The following SGCD variants were observed in gnomAD, a reference collection of about 807,000 sequenced individuals.
SGCD encodes the protein delta-sarcoglycan.
Under a neutral mutation model 36.6 loss-of-function variants are expected in SGCD, and 18 were observed. The ratio of observed to expected loss-of-function variants is 0.49; its 90% CI spans 0.34 to 0.73. SGCD has a LOEUF of 0.73. SGCD is among the 30% of genes least tolerant of loss of function. SGCD has a pLI of 0.01. For synonymous variants in SGCD, 133 were observed against 130.6 expected, an observed-to-expected ratio of 1.02 and a Z score of -0.12; for missense variants, 387 against 346.7, an observed-to-expected ratio of 1.12 and a Z score of -0.92.
At chr5:156,168,691 G>A (rs922109784) in intron 3 of SGCD, among the ~76,000 whole-genome samples, 16 of 152,236 alleles carry the variant, frequency 1.1e-4, no homozygotes, top group African/African-American at 3.1e-4. Flanking sequence ...AATAATCCTC[G>A]TAGAGAGCTT....
intron 3 of SGCD, among the ~76,000 whole-genome samples, chr5:156,191,339 A>G (rs895597425): frequency 3.9e-5 from 6 of 152,154 alleles, no homozygotes; most frequent in African/African-American, 1.4e-4. Context: ...CAGGTGATTG[A>G]TCACCAAAGG....
chr5:156,198,196 C>T (rs1414451865), intron 3 of SGCD, among the ~76,000 whole-genome samples: 1 of 151,918 alleles, frequency 6.6e-6, no homozygotes, highest in Admixed American at 6.6e-5. Context: ...ACAAAGGAGA[C>T]ATTAAAAAAA....
At chr5:155,835,002 A>ATTTTTTTTTCTTTTTTTT in the SGCD span, among the ~76,000 whole-genome samples, 1 of 60,184 alleles carries the variant, frequency 1.7e-5, no homozygotes, top group Non-Finnish European at 3.1e-5. Flanking sequence ...TGCCCAGCTA[A>ATTTTTTTTTCTTTTTTTT]TTTTTTTTTT....
rs1468424889 is a variant in SGCD, at chr5:156,022,073, T to A, written c.-281-95805T>A. On this transcript the variant is annotated intron_variant, in intron 1 of 9. Transcript: ENST00000517913. ...TCTTCTCAAAACCACAAATCTACTTTCTGTCTCTACAGATTTGCCTATTTT... is the reference window on the plus strand; with the variant it reads ...TCTTCTCAAAACCACAAATCTACTTACTGTCTCTACAGATTTGCCTATTTT... Among the ~76,000 whole-genome samples the A allele has an allele frequency of 3.3e-5, 5 of 152,198 alleles. No homozygotes were observed. The East Asian group carries it at 7.7e-4, about 23-fold the overall frequency.
chr5:156,294,189 C>T (rs966703535), intron 3 of SGCD, among the ~76,000 whole-genome samples: 1 of 151,802 alleles, frequency 6.6e-6, no homozygotes, highest in East Asian at 1.9e-4. Context: ...GACTTTGTAT[C>T]CTTTTACTTT....
intron 1 of SGCD, among the ~76,000 whole-genome samples, chr5:156,092,591 C>T (rs1300068523): frequency 6.6e-6 from 1 of 152,310 alleles, no homozygotes; most frequent in East Asian, 1.9e-4. Flanking sequence ...AAGGTTCTGT[C>T]TACCCAAATG....
At chr5:156,008,586 G>A (rs1758798177) in intron 1 of SGCD, among the ~76,000 whole-genome samples, 1 of 152,054 alleles carries the variant, frequency 6.6e-6, no homozygotes, top group Non-Finnish European at 1.5e-5. Context: ...GCGTTGCCCA[G>A]GCTGGTCTCA....
intron 3 of SGCD, among the ~76,000 whole-genome samples, chr5:156,393,275 C>A (rs926356083): frequency 3.9e-5 from 6 of 152,180 alleles, no homozygotes; most frequent in African/African-American, 1.4e-4. Flanking sequence ...TTTATTTTCA[C>A]AAGAATCCTA....
chr5:155,820,656 C>G, the SGCD span, among the ~76,000 whole-genome samples: 1 of 152,080 alleles, frequency 6.6e-6, no homozygotes, highest in African/African-American at 2.4e-5. Context: ...GTGATTGTGG[C>G]TCTGCACTTC....
At chr5:156,410,308 TCTTA>T (rs1772670555) in intron 3 of SGCD, among the ~76,000 whole-genome samples, 1 of 152,162 alleles carries the variant, frequency 6.6e-6, no homozygotes, top group African/African-American at 2.4e-5. Context: ...TACTGCATGT[TCTTA>T]CTTATAAGTG....
chr5:155,848,777 A>T, the SGCD span, among the ~76,000 whole-genome samples: 40,177 of 152,116 alleles, frequency 0.26, 5,934 homozygotes, highest in Admixed American at 0.46. Context: ...AGTACAGTGT[A>T]TTGCAGTAGA....
In SGCD at chr5:156,760,142, A is replaced by G. The variant is rs1429957363; in HGVS notation, c.*752A>G. The G allele has an allele frequency of 1.3e-5, 2 of 152,240 alleles. No homozygotes were observed. The highest frequency in any genetic ancestry group is 4.8e-5 in the African/African-American group (2 of 41,450). 9.4% of individuals were successfully genotyped at this position (152,240 alleles called of 1,614,324 possible). Reference sequence around the variant, plus strand: ...GTCAAATTAGGAGCTGTAAATCAGCACAAAATAAGATAACAGCTGTTCCTC... The same window carrying G: ...GTCAAATTAGGAGCTGTAAATCAGCGCAAAATAAGATAACAGCTGTTCCTC... On this transcript the variant is annotated 3_prime_UTR_variant, in exon 9 of 9. Coordinates refer to ENST00000337851, the MANE Select transcript of SGCD (RefSeq NM_000337.6).
chr5:156,116,603 G>C (rs936546109), intron 1 of SGCD, among the ~76,000 whole-genome samples: 6 of 152,134 alleles, frequency 3.9e-5, no homozygotes, highest in Non-Finnish European at 8.8e-5. Context: ...GCAAAGATGA[G>C]TTCAGGTCTC....
rs1311278207 is a variant in SGCD, at chr5:156,321,420, A to AAAAT, written c.-43-8106_-43-8103dup. On this transcript the variant is annotated intron_variant, in intron 3 of 9. Transcript: ENST00000517913. Reference sequence around the variant, plus strand: ...GGGTGACAGAGCGAGACTCCGACTGAAAATAAATAAACAAATAAATAAATA... The same window carrying AAAAT: ...GGGTGACAGAGCGAGACTCCGACTGAAAATAAATAAATAAACAAATAAATAAATA... Among the ~76,000 whole-genome samples, 7 of 130,314 alleles carry AAAAT rather than the reference A, an allele frequency of 5.4e-5. No homozygotes were observed. In the East Asian group the frequency reaches 1.4e-3, roughly 26 times the overall value. The allele number at this position is 130,314 out of a possible 152,430, so 85.5% of individuals were successfully genotyped here.
chr5:155,996,863 G>GGATA (rs10696253), intron 1 of SGCD, among the ~76,000 whole-genome samples: 20,126 of 132,892 alleles, frequency 0.15, 1,466 homozygotes, highest in East Asian at 0.26. Context: ...CTGGATGGAT[G>GGATA]GATAGATAGA....
the SGCD span, among the ~76,000 whole-genome samples, chr5:155,847,792 A>C: frequency 6.6e-6 from 1 of 152,340 alleles, no homozygotes; most frequent in Admixed American, 6.5e-5. Flanking sequence ...AAGCCATTTT[A>C]GCTCAGGCCA....
At chr5:156,449,677 C>CAAAAAAAAAAAAAAAAAAA (rs397883573) in intron 3 of SGCD, among the ~76,000 whole-genome samples, 2 of 46,052 alleles carry the variant, frequency 4.3e-5, no homozygotes, top group African/African-American at 8.6e-5. Flanking sequence ...ACTAAAAATA[C>CAAAAAAAAAAAAAAAAAAA]AAAAAAAAAA....
chr5:156,686,749 G>A (rs963062069), intron 7 of SGCD, among the ~76,000 whole-genome samples: 4 of 152,106 alleles, frequency 2.6e-5, no homozygotes, highest in African/African-American at 4.8e-5. Context: ...TTGAGTAACC[G>A]GGGACAGCTC....
chr5:156,316,134 G>A (rs7710388), intron 3 of SGCD, among the ~76,000 whole-genome samples: 12,457 of 151,898 alleles, frequency 0.082, 845 homozygotes, highest in African/African-American at 0.19. Flanking sequence ...GTTATAGGAT[G>A]CAAAGTCAAC....
Sources: allele counts gnomAD v4.1 joint callset (sites outside exome capture counted in the v4.1 genomes callset), GRCh38; gene constraint gnomAD v4.1.1; transcripts MANE v1.5; gene names NCBI Gene and HGNC (gene_info 2026-07-23, HGNC 2026-07-21).